Variants in TTN observed in about 807,000 individuals in gnomAD.
TTN encodes the protein titin, also known as connectin.
TTN carries 1,525 observed loss-of-function variants against 3,223.0 expected under a neutral mutation model. That is an observed-to-expected ratio of 0.47 (90% confidence interval 0.45 to 0.49). The LOEUF is 0.49. Ranked by LOEUF, TTN falls within the 20% of genes least tolerant of loss-of-function variation. The probability of loss-of-function intolerance (pLI) is 0.00; values close to 1 mark genes in which losing one functional copy is unlikely to be tolerated. For synonymous variants in TTN, 14,094 were observed against 15,161.0 expected, an observed-to-expected ratio of 0.93 and a Z score of 5.17; for missense variants, 40,786 against 43,424.0, an observed-to-expected ratio of 0.94 and a Z score of 5.40.
Position 178,706,734 on chromosome 2 carries a change from T to C in TTN, c.29140A>G (p.Thr9714Ala). The part of the protein sequence containing the change: ...PQSIRVVEKT[T>A]ATFIAKVGGD... ...CCAACTTTTGCAATGAAGGTCGCAG[T>C]GGTTTCTAAGGAATAATGAAAACAA... The change falls in exon 102 of 363, where the codon ACT (threonine) becomes GCT (alanine). Residue 9714 changes from threonine (T) to alanine (A), a missense_variant. By Grantham distance (58) the Thr-to-Ala change is moderately conservative (BLOSUM62 0). Transcript: ENST00000589042. The C allele has an allele frequency of 6.2e-7, 1 of 1,607,754 alleles. No individual in the cohort carries two copies.
chr2:178,769,822 T>C lies in TTN; in HGVS notation c.8759A>G (p.Glu2920Gly). The C allele has an allele frequency of 6.2e-7, 1 of 1,614,052 alleles. No homozygotes were observed. Among genetic ancestry groups the C allele is most frequent in the Non-Finnish European group, 8.5e-7 (1 of 1,179,994 alleles). The part of the protein sequence containing the change: ...VPSMWLKNGV[E>G]IEMSEKFKIV... ...CTTGAACTTTTCACTCATCTCAATT[T>C]CCACACCATTCTTCAGCCACATGGA... The change falls in exon 37 of 363, where the codon GAA becomes GGA. Residue 2920 changes from glutamate (E) to glycine (G), a missense_variant. Transcript: ENST00000589042.
Position 178,694,872 on chromosome 2 carries a change from C to T in TTN, c.31305G>A (p.Lys10435=). The T allele has an allele frequency of 6.4e-7, 1 of 1,559,190 alleles. No homozygotes were observed. Among genetic ancestry groups the T allele is most frequent in the Middle Eastern group, 1.7e-4 (1 of 5,984 alleles). The change falls in exon 116 of 363, where the codon AAG becomes AAA. Residue 10435 remains lysine, a synonymous_variant. Transcript: ENST00000589042. ...IKKPVIEKIE[K]TSRRMEEEKV... ...TTTCTTCCTCCATTCTTCGAGAAGT[C>T]TTTTCAATTTTTTCAATTACTGGCT...
chr2:178,741,876 C>T lies in TTN; in HGVS notation c.11357G>A (p.Ser3786Asn), dbSNP rs1432046111. The change falls in exon 48 of 363, where the codon AGC (serine) becomes AAC (asparagine). Residue 3786 changes from serine (S) to asparagine (N), a missense_variant. Transcript: ENST00000589042. The part of the protein sequence containing the change: ...FLSAEEEGLH[S>N]AELQLSKINE... ...TATTTTAGATAATTGAAGTTCGGCG[C>T]TATGAAGTCCTTCTTCCTCGGCAGA... The T allele has an allele frequency of 6.3e-7, 1 of 1,575,390 alleles. No homozygotes were observed. The highest frequency in any genetic ancestry group is 8.6e-7 in the Non-Finnish European group (1 of 1,159,690).
chr2:178,589,139 T>C lies in TTN; in HGVS notation c.62586A>G (p.Leu20862=). 6.2e-7 allele frequency: 1 copy of C among 1,613,162 alleles called. No homozygotes were observed. Among genetic ancestry groups the C allele is most frequent in the African/African-American group, 1.3e-5 (1 of 75,048 alleles). ...SFVAYATVNV[L]DKPGPVRNLK... ...GATTTCTCACAGGACCAGGCTTATCTAAAACATTGACAGTGGCATAGGCCA... is the reference window on the plus strand; with the variant it reads ...GATTTCTCACAGGACCAGGCTTATCCAAAACATTGACAGTGGCATAGGCCA... The change falls in exon 304 of 363, where the codon TTA becomes TTG. Residue 20862 remains leucine, a synonymous_variant. Transcript: ENST00000589042.
intron 121 of TTN, among the ~76,000 whole-genome samples, chr2:178,691,035 A>G (rs1413315834): frequency 6.6e-6 from 1 of 152,206 alleles, no homozygotes; most frequent in African/African-American, 2.4e-5. Flanking sequence ...TAGCTTTAGT[A>G]TTAGTATTGG....
Position 178,787,890 on chromosome 2 carries a change from T to C in TTN, c.2076+1470A>G, listed in dbSNP as rs557035937. On this transcript the variant is annotated intron_variant, in intron 13 of 362. Coordinates refer to ENST00000589042, the MANE Select transcript of TTN (RefSeq NM_001267550.2). ...TGATATCTCTCACATGTTTGTAACC[T>C]AGAGAAGCAGGAAGACAAATTGGAC... Among the ~76,000 whole-genome samples the C allele has an allele frequency of 2.6e-5, 4 of 152,156 alleles. No homozygotes were observed. In the South Asian group the frequency reaches 6.2e-4, roughly 24 times the overall value.
In TTN at chr2:178,647,161, A is replaced by G; in HGVS notation, c.40142-17T>C. On this transcript the variant is annotated splice_polypyrimidine_tract_variant and intron_variant, in intron 214 of 362. Coordinates refer to ENST00000589042, the MANE Select transcript of TTN (RefSeq NM_001267550.2). ...TCTCTTCAACTTTAAAAAACATAGTATTTTATTTTAGACTATATTTAGAAC... is the reference window on the plus strand; with the variant it reads ...TCTCTTCAACTTTAAAAAACATAGTGTTTTATTTTAGACTATATTTAGAAC... The G allele has an allele frequency of 7.5e-7, 1 of 1,338,652 alleles. No individual in the cohort carries two copies. The highest frequency in any genetic ancestry group is 1.0e-6 in the Non-Finnish European group (1 of 1,003,224). 82.9% of individuals were successfully genotyped at this position (1,338,652 alleles called of 1,614,324 possible).
intron 259 of TTN, 122 bp from the exon 260 acceptor site, chr2:178,615,090 A>G: frequency 9.8e-7 from 1 of 1,021,566 alleles, no homozygotes; most frequent in Non-Finnish European, 1.4e-6. Flanking sequence ...TTAAACCTGG[A>G]TTACTTCAAC....
At chr2:178,790,559 G>T (rs2093431762) in intron 11 of TTN, 149 bp downstream of exon 11, 2 of 1,181,572 alleles carry the variant, frequency 1.7e-6, no homozygotes, top group South Asian at 1.4e-5. Flanking sequence ...GACAGTGAAA[G>T]GTAGCTGTGT....
chr2:178,715,528 C>A lies in TTN; in HGVS notation c.25886G>T (p.Gly8629Val). 6.2e-7 allele frequency: 1 copy of A among 1,612,870 alleles called. No homozygotes were observed. The highest frequency in any genetic ancestry group is 2.2e-5 in the East Asian group (1 of 44,858). ...DYTCEAHNAA[G>V]SASSSTSLKV... ...TAAGGATGTGCTGCTGCTGGCACTG[C>A]CTGCTGCATTGTGGGCCTCACAGGT... The change falls in exon 89 of 363, where the codon GGC (glycine) becomes GTC (valine). Residue 8629 changes from glycine to valine, a missense_variant. Transcript: ENST00000589042.
rs1399917423 is a variant in TTN, at chr2:178,712,394, T to C, written c.27528A>G (p.Val9176=). The C allele has an allele frequency of 6.2e-7, 1 of 1,613,866 alleles. No homozygotes were observed. Among genetic ancestry groups the C allele is most frequent in the East Asian group, 2.2e-5 (1 of 44,858 alleles). ...SAILEIPSST[V]EDAGQYNCYI... is the part of the protein sequence containing the mutation. Reference sequence around the variant, plus strand: ...AGCAGTTGTATTGTCCTGCATCCTCTACTGTGCTACTTGGAATTTCCAGGA... The same window carrying C: ...AGCAGTTGTATTGTCCTGCATCCTCCACTGTGCTACTTGGAATTTCCAGGA... The change falls in exon 95 of 363, where the codon GTA becomes GTG. Residue 9176 remains valine (V), a synonymous_variant. Transcript: ENST00000589042.
chr2:178,529,893 A>G, intron 359 of TTN, 67 bp downstream of exon 359: 1 of 1,473,708 alleles, frequency 6.8e-7, no homozygotes, highest in Non-Finnish European at 9.2e-7. Flanking sequence ...ATAAGGGGGG[A>G]TGTTTGAAAA....
At position 178,576,022 on chromosome 2, in the gene TTN, A is replaced by G. The variant is rs1370999468; in HGVS notation, c.70110T>C (p.Gly23370=). 1 of 1,613,058 alleles carries G rather than the reference A, an allele frequency of 6.2e-7. No individual in the cohort carries two copies. The change falls in exon 326 of 363, where the codon GGT becomes GGC. Residue 23370 remains glycine, a synonymous_variant. Transcript: ENST00000589042. The surrounding 1 kb of genome is among the most constrained non-coding windows in gnomAD (Gnocchi z 4.3). Reference sequence around the variant, plus strand: ...TCCATGTCACTTCAGGAGCAGGACGACCTTTAATTGGCACAAATATCCTAA... The same window carrying G: ...TCCATGTCACTTCAGGAGCAGGACGGCCTTTAATTGGCACAAATATCCTAA... ...LSIRIFVPIK[G]RPAPEVTWTK...
In TTN at chr2:178,774,206, C is replaced by A; in HGVS notation, c.7057+1G>T. 1 of 1,614,048 alleles carries A rather than the reference C, an allele frequency of 6.2e-7. No individual in the cohort carries two copies. The highest frequency in any genetic ancestry group is 1.1e-5 in the South Asian group (1 of 91,072). On this transcript the variant is annotated splice_donor_variant, in intron 30 of 362. Coordinates refer to ENST00000589042, the MANE Select transcript of TTN (RefSeq NM_001267550.2). LOFTEE classifies it high-confidence loss of function. ...AGGCTGACAGGAATGGGAGGACTTA[C>A]GTTTCATCTTTAATTTACAGGTTGT...
intron 336 of TTN, chr2:178,550,664 T>TG: frequency 2.3e-6 from 1 of 436,348 alleles, no homozygotes; most frequent in South Asian, 2.7e-5. Context: ...TCAGTAAAGA[T>TG]GGACACTTAT....
rs1425709725 is a variant in TTN, at chr2:178,526,755, C to G, written c.*257G>C. 1.3e-5 allele frequency: 4 copies of G among 311,670 alleles called. No homozygotes were observed. The highest frequency in any genetic ancestry group is 8.6e-5 in the African/African-American group (4 of 46,690). The allele number at this position is 311,670 out of a possible 1,614,324, so 19.3% of individuals were successfully genotyped here. A position where few individuals can be genotyped will look rare whatever the true frequency, so the allele number is the denominator to read the frequency against. ...TTTCAAAACTTACATTGTAAAATGT[C>G]ATAAAATAAATGGTACAAAACTTTA... is the stretch of plus-strand genomic sequence containing the variant. On this transcript the variant is annotated 3_prime_UTR_variant, in exon 363 of 363. Transcript: ENST00000589042.
At position 178,613,901 on chromosome 2, in the gene TTN, T is replaced by C; in HGVS notation, c.49382A>G (p.Asp16461Gly). 1 of 1,610,210 alleles carries C rather than the reference T, an allele frequency of 6.2e-7. No homozygotes were observed. Among genetic ancestry groups the C allele is most frequent in the Non-Finnish European group, 8.5e-7 (1 of 1,178,022 alleles). Reference protein sequence around the residue: ...PGPPTRLEPSDITKDAVTLTW... With the variant: ...PGPPTRLEPSGITKDAVTLTW... ...GAGAGTCACTGCGTCTTTAGTGATA[T>C]CAGAAGGTTCTAGGCGAGTTGGAGG... is the stretch of plus-strand genomic sequence containing the variant. Residue 16461 changes from aspartate (D) to glycine (G), a missense_variant, in exon 263 of 363, where the codon GAT becomes GGT. Transcript: ENST00000589042.
intron 47 of TTN, chr2:178,749,870 A>C: frequency 6.2e-7 from 1 of 1,612,958 alleles, no homozygotes; most frequent in Non-Finnish European, 8.5e-7. Context: ...ACATTCAAGA[A>C]TGATGGAATC....
chr2:178,553,656 A>C lies in TTN; in HGVS notation c.89349T>G (p.Thr29783=). 1 of 1,613,894 alleles carries C rather than the reference A, an allele frequency of 6.2e-7. No homozygotes were observed. The highest frequency in any genetic ancestry group is 8.5e-7 in the Non-Finnish European group (1 of 1,179,828). Residue 29783 remains threonine, a synonymous_variant, in exon 334 of 363, where the codon ACT becomes ACG. Transcript: ENST00000589042. ...TTCTGACCTCTCCTTTGGTAGAGAC[A>C]GTAGTCCATTCCTCTTCCTCTCCTT... ...IRQGEEEEWT[T]VSTKGEVRTT...
Sources: gnomAD v4.1 joint callset for allele counts (sites outside exome capture counted in the v4.1 genomes callset) on GRCh38, gnomAD v4.1.1 for gene constraint, Gnocchi (gnomAD v3.1) non-coding constraint, MANE v1.5 for transcripts, NCBI Gene and HGNC (gene_info 2026-07-23, HGNC 2026-07-21) for gene names.